Variants in SLC67A2 observed in about 807,000 individuals in gnomAD.
SLC67A2 encodes solute carrier family 67 member 2.
At chr2:102,721,083 G>C in the SLC67A2 span, among the ~76,000 whole-genome samples, 92 of 152,268 alleles carry the variant, frequency 6.0e-4, no homozygotes, top group African/African-American at 2.1e-3. Context: ...ATTGTAGTTG[G>C]GAACACTTGC....
the SLC67A2 span, chr2:102,723,796 T>C: frequency 3.1e-6 from 5 of 1,614,170 alleles, no homozygotes; most frequent in Non-Finnish European, 4.2e-6. Flanking sequence ...GGGCCCAAGA[T>C]GAAGCCCACA....
the SLC67A2 span, among the ~76,000 whole-genome samples, chr2:102,722,083 A>G: frequency 6.6e-6 from 1 of 152,206 alleles, no homozygotes; most frequent in Non-Finnish European, 1.5e-5. Context: ...CTGCCTACTG[A>G]TTTGGGGGAA....
the SLC67A2 span, chr2:102,736,416 T>TC: frequency 8.3e-7 from 1 of 1,206,848 alleles, no homozygotes; most frequent in Non-Finnish European, 1.1e-6. Context: ...GGGAAGACGT[T>TC]CCGCGAACGG....
the SLC67A2 span, chr2:102,723,769 G>A: frequency 6.2e-7 from 1 of 1,614,186 alleles, no homozygotes; most frequent in South Asian, 1.1e-5. Context: ...AATTCAGTGA[G>A]ATAGCCACCG....
At chr2:102,724,041 C>A in the SLC67A2 span, 1 of 719,230 alleles carries the variant, frequency 1.4e-6, no homozygotes, top group Admixed American at 2.3e-5. Flanking sequence ...CTATGCTCAC[C>A]ACTATACCAC....
the SLC67A2 span, chr2:102,717,179 G>A: frequency 0.49 from 73,185 of 150,756 alleles, 18,394 homozygotes; most frequent in East Asian, 0.76. Context: ...GCAGGCGCCC[G>A]CCATCACGCC....
chr2:102,718,983 T>C, the SLC67A2 span: 6 of 1,614,220 alleles, frequency 3.7e-6, no homozygotes, highest in South Asian at 3.3e-5. Context: ...ACCAGAAATA[T>C]GTCCCACATT....
At chr2:102,733,141 G>A in the SLC67A2 span, among the ~76,000 whole-genome samples, 4,663 of 152,254 alleles carry the variant, frequency 0.031, 203 homozygotes, top group African/African-American at 0.1. Context: ...CTTCAGTTCT[G>A]GGGATAAGGA....
the SLC67A2 span, among the ~76,000 whole-genome samples, chr2:102,720,506 GGAGTT>G: frequency 3.0e-4 from 46 of 152,282 alleles, no homozygotes; most frequent in Admixed American, 2.5e-3. Context: ...CAATATTCAT[GGAGTT>G]CGTAAGTGTG....
the SLC67A2 span, among the ~76,000 whole-genome samples, chr2:102,733,621 T>C: frequency 6.6e-6 from 1 of 152,212 alleles, no homozygotes; most frequent in South Asian, 2.1e-4. Context: ...TCTTTTGGGC[T>C]TTGCTGTCAG....
the SLC67A2 span, among the ~76,000 whole-genome samples, chr2:102,719,839 A>T: frequency 6.6e-6 from 1 of 152,138 alleles, no homozygotes; most frequent in East Asian, 1.9e-4. Flanking sequence ...AGCTTGGCCA[A>T]CTCTCCCTGG....
chr2:102,718,900 C>T, the SLC67A2 span: 13 of 1,614,088 alleles, frequency 8.1e-6, no homozygotes, highest in Admixed American at 1.3e-4. Flanking sequence ...TGGGCCGCAC[C>T]CCAAAGCGCT....
chr2:102,721,514 T>C, the SLC67A2 span, among the ~76,000 whole-genome samples: 1 of 152,146 alleles, frequency 6.6e-6, no homozygotes, highest in Non-Finnish European at 1.5e-5. Context: ...AAGTACAATA[T>C]CATTAAATGT....
the SLC67A2 span, chr2:102,716,746 A>G: frequency 1.3e-5 from 2 of 152,252 alleles, no homozygotes; most frequent in African/African-American, 4.8e-5. Flanking sequence ...GAAAACAGGC[A>G]TACCATCCTA....
At chr2:102,728,724 G>A in the SLC67A2 span, among the ~76,000 whole-genome samples, 1 of 152,226 alleles carries the variant, frequency 6.6e-6, no homozygotes, top group Admixed American at 6.5e-5. Context: ...TGGGCTCAAC[G>A]CTGAACTCAT....
chr2:102,715,094 G>A, the SLC67A2 span, among the ~76,000 whole-genome samples: 4 of 152,042 alleles, frequency 2.6e-5, no homozygotes, highest in African/African-American at 4.8e-5. Flanking sequence ...CCCTGTCCTC[G>A]CGACCAGCTC....
chr2:102,718,721 C>G, the SLC67A2 span: 1 of 1,613,884 alleles, frequency 6.2e-7, no homozygotes, highest in Non-Finnish European at 8.5e-7. Context: ...GACAACTGCA[C>G]CCATGGTGGG....
chr2:102,730,605 C>T, the SLC67A2 span, among the ~76,000 whole-genome samples: 1 of 149,512 alleles, frequency 6.7e-6, no homozygotes, highest in East Asian at 2.0e-4. Context: ...TGCAGTGGTG[C>T]GATCTCGGCT....
At chr2:102,721,638 A>C in the SLC67A2 span, among the ~76,000 whole-genome samples, 1 of 151,894 alleles carries the variant, frequency 6.6e-6, no homozygotes. Flanking sequence ...CCAGCCCTGC[A>C]TCCAAGGAGC....
Sources: allele counts gnomAD v4.1 joint callset (sites outside exome capture counted in the v4.1 genomes callset), GRCh38; gene constraint gnomAD v4.1.1; transcripts MANE v1.5; gene names NCBI Gene and HGNC (gene_info 2026-07-23, HGNC 2026-07-21).